The following ABCA3 variants were observed in gnomAD, a reference collection of about 807,000 sequenced individuals.
ABCA3 encodes the protein phospholipid-transporting ATPase ABCA3.
ABCA3 carries 88 observed loss-of-function variants against 172.8 expected under a neutral mutation model. The observed-to-expected ratio is 0.51, with a 90% CI of 0.43 to 0.61. ABCA3 has a LOEUF of 0.61. ABCA3 is among the 20% of genes least tolerant of loss of function. ABCA3 has a pLI of 0.00. For missense variants in ABCA3, 2,164 were observed against 2,301.0 expected (o/e 0.94, Z 1.22); for synonymous variants, 1,066 against 983.8 (o/e 1.08, Z -1.56).
Position 2,289,539 on chromosome 16 carries a change from G to A in ABCA3, c.2595C>T (p.Ala865=). The A allele has an allele frequency of 6.3e-7, 1 of 1,575,082 alleles. No homozygotes were observed. Among genetic ancestry groups the A allele is most frequent in the Non-Finnish European group, 8.6e-7 (1 of 1,161,184 alleles). Reference sequence around the variant, plus strand: ...GGTTGCTGTCCACAGCCCAGTCGCTGGCGCGCCTCTCGTGCTGGTACTGCA... The same window carrying A: ...GGTTGCTGTCCACAGCCCAGTCGCTAGCGCGCCTCTCGTGCTGGTACTGCA... The part of the protein sequence containing the change: ...PALQYQHERR[A]SDWAVDSNLC... The change falls in exon 20 of 33, where the codon GCC becomes GCT. Residue 865 remains alanine, a synonymous_variant. Coordinates refer to ENST00000301732, the MANE Select transcript of ABCA3 (RefSeq NM_001089.3).
chr16:2,308,116 G>C (rs143137234), intron 11 of ABCA3, among the ~76,000 whole-genome samples: 1 of 152,292 alleles, frequency 6.6e-6, no homozygotes, highest in South Asian at 2.1e-4. Flanking sequence ...TCAGGTCACC[G>C]ACTTAGATCC....
At chr16:2,317,869 C>A in intron 8 of ABCA3, 105 bp from the exon 9 acceptor site, 3 of 1,018,692 alleles carry the variant, frequency 2.9e-6, no homozygotes, top group Non-Finnish European at 4.6e-6. Flanking sequence ...TCCCAGCAGC[C>A]CTGCATTCGA....
intron 1 of ABCA3, among the ~76,000 whole-genome samples, chr16:2,337,641 C>A (rs905477313): frequency 2.6e-5 from 4 of 152,104 alleles, no homozygotes; most frequent in Non-Finnish European, 4.4e-5. Context: ...CCGCCTTGGC[C>A]TCCCAAAGTG....
At chr16:2,318,552 G>GC (rs1408966661) in intron 8 of ABCA3, among the ~76,000 whole-genome samples, 1 of 149,534 alleles carries the variant, frequency 6.7e-6, no homozygotes, top group East Asian at 2.0e-4. Context: ...TTGCTCTGCT[G>GC]CCCAGGCTGG....
At chr16:2,293,794 G>C (rs780006285) in intron 18 of ABCA3, among the ~76,000 whole-genome samples, 1 of 151,182 alleles carries the variant, frequency 6.6e-6, no homozygotes, top group South Asian at 2.1e-4. Context: ...ACCCGCTTCG[G>C]CCTCCAAGTG....
intron 6 of ABCA3, 40 bp downstream of exon 6, chr16:2,324,364 C>G: frequency 6.4e-7 from 1 of 1,558,192 alleles, no homozygotes; most frequent in Non-Finnish European, 8.6e-7. Flanking sequence ...GGAGGCCTTG[C>G]TGATGGGCTG....
At chr16:2,290,307 T>C (rs2093670055) in intron 19 of ABCA3, among the ~76,000 whole-genome samples, 1 of 152,190 alleles carries the variant, frequency 6.6e-6, no homozygotes, top group South Asian at 2.1e-4. Context: ...TTCCTGCCCA[T>C]GGTCTGAGCT....
intron 10 of ABCA3, among the ~76,000 whole-genome samples, chr16:2,310,512 TTTC>T (rs2093705032): frequency 6.6e-6 from 1 of 151,648 alleles, no homozygotes; most frequent in African/African-American, 2.4e-5. Flanking sequence ...CCAACTTTTT[TTTC>T]TTTCTTTTTT....
chr16:2,299,295 T>A, intron 14 of ABCA3, 108 bp downstream of exon 14: 1 of 1,503,528 alleles, frequency 6.7e-7, no homozygotes, highest in Non-Finnish European at 9.1e-7. Context: ...GCCGCTGTGG[T>A]TGGGGAAGGC....
chr16:2,331,533 T>C (rs2093743224), intron 1 of ABCA3, among the ~76,000 whole-genome samples: 2 of 152,232 alleles, frequency 1.3e-5, no homozygotes, highest in African/African-American at 4.8e-5. Flanking sequence ...GGCACCCAGC[T>C]TGTTGCCTGA....
intron 6 of ABCA3, 62 bp from the exon 7 acceptor site, chr16:2,323,750 G>C: frequency 1.9e-6 from 3 of 1,600,592 alleles, no homozygotes; most frequent in Non-Finnish European, 2.6e-6. Context: ...CAAACAACAG[G>C]GTGGAGTGGG....
intron 1 of ABCA3, among the ~76,000 whole-genome samples, chr16:2,338,268 C>T (rs1000591985): frequency 2.6e-5 from 4 of 152,344 alleles, no homozygotes; most frequent in African/African-American, 7.2e-5. Flanking sequence ...CTGCAAAACT[C>T]TCCCAGGACA....
Position 2,332,586 on chromosome 16 carries a change from C to G in ABCA3, c.-538-2732G>C, listed in dbSNP as rs2093745082. The G allele has an allele frequency of 2.0e-5, 29 of 1,450,796 alleles. 1 individual carries two copies. The highest frequency in any genetic ancestry group is 2.8e-5 in the Non-Finnish European group (29 of 1,041,136). 89.9% of individuals were successfully genotyped at this position (1,450,796 alleles called of 1,614,324 possible). A position where few individuals can be genotyped will look rare whatever the true frequency, so the allele number is the denominator to read the frequency against. ...CAGCAAATCGCTCCTTGCTGAGAAG[C>G]AAAACTGGCTCCAGCAGCTTGTACT... is the stretch of plus-strand genomic sequence containing the variant. On this transcript the variant is annotated intron_variant, in intron 1 of 32. Transcript: ENST00000301732.
chr16:2,339,843 C>T (rs2093757691), intron 1 of ABCA3, among the ~76,000 whole-genome samples: 1 of 152,292 alleles, frequency 6.6e-6, no homozygotes, highest in South Asian at 2.1e-4. Flanking sequence ...CGTCCCGGCC[C>T]TTCTGAAGCG....
chr16:2,339,694 A>G (rs1003525383), intron 1 of ABCA3, among the ~76,000 whole-genome samples: 1 of 152,206 alleles, frequency 6.6e-6, no homozygotes, highest in Non-Finnish European at 1.5e-5. Flanking sequence ...ACAAACCCCA[A>G]CAAGATCCAA....
At chr16:2,319,530 C>T (rs1364786853) in intron 8 of ABCA3, 51 bp downstream of exon 8, 2 of 1,600,094 alleles carry the variant, frequency 1.2e-6, no homozygotes, top group East Asian at 2.2e-5. Context: ...ACATGGCCTC[C>T]CCAGGACAGC....
intron 7 of ABCA3, 136 bp from the exon 8 acceptor site, chr16:2,319,976 G>A (rs1369726899): frequency 2.7e-5 from 31 of 1,133,656 alleles, no homozygotes; most frequent in South Asian, 3.9e-5. Flanking sequence ...CCCCGTGGCC[G>A]CTCAGTGGTC....
intron 12 of ABCA3, 46 bp downstream of exon 12, chr16:2,303,923 T>G: frequency 6.2e-7 from 1 of 1,611,020 alleles, no homozygotes; most frequent in Non-Finnish European, 8.5e-7. Flanking sequence ...GGGACACCTC[T>G]GCACTCAGAG....
At chr16:2,292,261 T>C (rs966458167) in intron 18 of ABCA3, 23 bp from the exon 19 acceptor site, 1 of 1,587,434 alleles carries the variant, frequency 6.3e-7, no homozygotes, top group African/African-American at 1.3e-5. Context: ...CCCAGCATTA[T>C]GAGTCACTTC....
Sources: gnomAD v4.1 joint callset for allele counts (sites outside exome capture counted in the v4.1 genomes callset) on GRCh38, gnomAD v4.1.1 for gene constraint, MANE v1.5 for transcripts, NCBI Gene and HGNC (gene_info 2026-07-23, HGNC 2026-07-21) for gene names.